Variants in FILIP1L observed in about 807,000 individuals in gnomAD.
FILIP1L encodes filamin A-interacting protein 1-like.
In FILIP1L, 55 loss-of-function variants were observed where a neutral mutation model predicts 96.6. That is an observed-to-expected ratio of 0.57 (90% CI 0.46 to 0.71). FILIP1L has a LOEUF of 0.71. FILIP1L is among the 30% of genes least tolerant of loss of function. The pLI, the probability that FILIP1L is intolerant of heterozygous loss-of-function variation, is 0.00. For synonymous variants in FILIP1L, 467 were observed against 473.9 expected, an observed-to-expected ratio of 0.99 and a Z score of 0.19; for missense variants, 1,304 against 1,321.2, an observed-to-expected ratio of 0.99 and a Z score of 0.20.
chr3:99,941,209 G>A (rs571768532), intron 1 of FILIP1L, among the ~76,000 whole-genome samples: 40 of 151,884 alleles, frequency 2.6e-4, no homozygotes, highest in Admixed American at 9.2e-4. Context: ...TTAGACACAC[G>A]GAGTTGATAT....
At chr3:100,034,844 T>A (rs2065080045) in intron 1 of FILIP1L, among the ~76,000 whole-genome samples, 1 of 152,214 alleles carries the variant, frequency 6.6e-6, no homozygotes. Flanking sequence ...GTAAACGGTA[T>A]ATACATACGA....
intron 1 of FILIP1L, chr3:100,041,034 G>C (rs1224239332): frequency 6.6e-6 from 1 of 152,168 alleles, no homozygotes; most frequent in African/African-American, 2.4e-5. Flanking sequence ...ACGCTTTACA[G>C]TTAACCAAAG....
chr3:99,993,874 A>T (rs887230854), intron 1 of FILIP1L, among the ~76,000 whole-genome samples: 3 of 151,984 alleles, frequency 2.0e-5, no homozygotes, highest in Non-Finnish European at 4.4e-5. Context: ...GATTTTATTT[A>T]CTAGTATTTT....
intron 4 of FILIP1L, among the ~76,000 whole-genome samples, chr3:99,922,721 T>C (rs1707163415): frequency 6.6e-6 from 1 of 152,336 alleles, no homozygotes; most frequent in African/African-American, 2.4e-5. Context: ...ATGCTTATAC[T>C]GTCTACAGTG....
At chr3:99,945,407 C>A (rs1365072211) in intron 1 of FILIP1L, among the ~76,000 whole-genome samples, 13 of 152,176 alleles carry the variant, frequency 8.5e-5, no homozygotes, top group Admixed American at 8.5e-4. Context: ...GGGGGTTCCA[C>A]CCACTGTGTG....
At chr3:99,861,612 CTTCT>C (rs1944259751) in intron 4 of FILIP1L, among the ~76,000 whole-genome samples, 1 of 152,110 alleles carries the variant, frequency 6.6e-6, no homozygotes, top group Non-Finnish European at 1.5e-5. Flanking sequence ...CCAAGGTAGC[CTTCT>C]TTAAGACAGG....
chr3:99,879,137 A>C (rs751098584), intron 4 of FILIP1L, among the ~76,000 whole-genome samples: 3 of 152,100 alleles, frequency 2.0e-5, no homozygotes, highest in Non-Finnish European at 4.4e-5. Flanking sequence ...TAGTAATCTG[A>C]GTTTATGATC....
At chr3:99,856,533 G>A (rs1264612978) in intron 4 of FILIP1L, among the ~76,000 whole-genome samples, 1 of 152,182 alleles carries the variant, frequency 6.6e-6, no homozygotes, top group Non-Finnish European at 1.5e-5. Context: ...ACAAAAGTGA[G>A]GTAATTAAAT....
chr3:100,064,394 C>T (rs1017607753), intron 1 of FILIP1L, among the ~76,000 whole-genome samples: 1 of 151,786 alleles, frequency 6.6e-6, no homozygotes, highest in African/African-American at 2.4e-5. Flanking sequence ...ACCCCCCCAA[C>T]ACCCTTTTTT....
chr3:99,946,464 CT>C (rs1206387917), intron 1 of FILIP1L, among the ~76,000 whole-genome samples: 1 of 152,136 alleles, frequency 6.6e-6, no homozygotes, highest in African/African-American at 2.4e-5. Context: ...ATTATTGAAC[CT>C]TTTGGTAGTG....
chr3:100,085,353 C>T (rs1576038131), intron 1 of FILIP1L, among the ~76,000 whole-genome samples: 1 of 152,166 alleles, frequency 6.6e-6, no homozygotes, highest in South Asian at 2.1e-4. Context: ...GAATTCATTT[C>T]TTTCTGCTTC....
intron 4 of FILIP1L, among the ~76,000 whole-genome samples, chr3:99,923,698 T>C (rs1389691199): frequency 6.6e-6 from 1 of 152,184 alleles, no homozygotes; most frequent in Non-Finnish European, 1.5e-5. Context: ...GTTCCCTTAA[T>C]CGTTCTTTAG....
chr3:99,864,217 T>C (rs114017145), intron 4 of FILIP1L, among the ~76,000 whole-genome samples: 3,418 of 152,120 alleles, frequency 0.022, 69 homozygotes, highest in Middle Eastern at 0.055. Flanking sequence ...CATGCATTTA[T>C]TTTCTTAGTT....
chr3:99,935,265 CA>C (rs34961153), intron 1 of FILIP1L, among the ~76,000 whole-genome samples: 47 of 143,790 alleles, frequency 3.3e-4, no homozygotes, highest in Non-Finnish European at 2.3e-4. Flanking sequence ...TTCAGGGTAC[CA>C]AAAAAAAAAA....
intron 1 of FILIP1L, among the ~76,000 whole-genome samples, chr3:100,095,812 A>G (rs1279251786): frequency 6.6e-6 from 1 of 152,162 alleles, no homozygotes; most frequent in East Asian, 1.9e-4. Context: ...AGCAAAGGAA[A>G]CAATCAACAA....
chr3:99,909,006 T>TA (rs1009439292), intron 4 of FILIP1L, among the ~76,000 whole-genome samples: 39 of 152,102 alleles, frequency 2.6e-4, no homozygotes, highest in Admixed American at 1.2e-3. Context: ...ACTCTATACT[T>TA]AAAAAAATTA....
chr3:100,023,305 T>C lies in FILIP1L; in HGVS notation c.-11+90748A>G, dbSNP rs561369601. On this transcript the variant is annotated intron_variant, in intron 1 of 5. Coordinates refer to ENST00000477258, the MANE Select transcript of FILIP1L (RefSeq NM_001387850.1). ...TCAAAATGCTATGACAACTGACTGG[T>C]TTTATGCAAACAGAGCCTGGCTCTC... 2.1e-4 allele frequency: 32 copies of C among 152,702 alleles called. No homozygotes were observed. The East Asian group carries it at 6.2e-3, about 29-fold the overall frequency. The allele number at this position is 152,702 out of a possible 1,614,324, so 9.5% of individuals were successfully genotyped here.
intron 1 of FILIP1L, among the ~76,000 whole-genome samples, chr3:100,017,459 G>A (rs1375422628): frequency 6.6e-6 from 1 of 152,126 alleles, no homozygotes; most frequent in Non-Finnish European, 1.5e-5. Context: ...TTAACCATCT[G>A]TCCTATTTAT....
At chr3:99,841,697 G>C (rs1470075829) in intron 5 of FILIP1L, among the ~76,000 whole-genome samples, 6 of 152,100 alleles carry the variant, frequency 3.9e-5, no homozygotes, top group Non-Finnish European at 1.5e-5. Context: ...ATTCTCAAAA[G>C]AAGATATACA....
Sources: gnomAD v4.1 joint callset for allele counts (sites outside exome capture counted in the v4.1 genomes callset) on GRCh38, gnomAD v4.1.1 for gene constraint, MANE v1.5 for transcripts, NCBI Gene and HGNC (gene_info 2026-07-23, HGNC 2026-07-21) for gene names.